The following PTPN2 variants were observed in gnomAD, a reference collection of about 807,000 sequenced individuals.
PTPN2 encodes protein tyrosine phosphatase non-receptor type 2.
A neutral mutation model predicts 57.3 loss-of-function variants in PTPN2; 19 were observed. That is an observed-to-expected ratio of 0.33 (90% CI 0.23 to 0.49). PTPN2 has a LOEUF of 0.49. PTPN2 is among the 20% of genes least tolerant of loss of function. The pLI is 0.99. For synonymous variants in PTPN2, 153 were observed against 164.9 expected, an observed-to-expected ratio of 0.93 and a Z score of 0.55; for missense variants, 358 against 501.1, an observed-to-expected ratio of 0.71 and a Z score of 2.73.
Position 12,794,235 on chromosome 18 carries a change from T to C in PTPN2, c.*43A>G, listed in dbSNP as rs758381162. Reference sequence around the variant, plus strand: ...CAAACCCCTATGATTAATGTAGCACTGTCAGTTACTAGTGCAGAAGCTTGC... The same window carrying C: ...CAAACCCCTATGATTAATGTAGCACCGTCAGTTACTAGTGCAGAAGCTTGC... On this transcript the variant is annotated 3_prime_UTR_variant, in exon 9 of 9. Coordinates refer to ENST00000309660, the MANE Select transcript of PTPN2 (RefSeq NM_002828.4). The C allele has an allele frequency of 2.1e-5, 34 of 1,612,160 alleles. No individual in the cohort carries two copies. The highest frequency in any genetic ancestry group is 1.5e-5 in the Non-Finnish European group (18 of 1,179,230).
chr18:12,804,676 C>T (rs759465609), intron 7 of PTPN2, among the ~76,000 whole-genome samples: 1 of 152,108 alleles, frequency 6.6e-6, no homozygotes, highest in Non-Finnish European at 1.5e-5. Flanking sequence ...ACTATCAAAA[C>T]GGAACCATGA....
chr18:12,845,857 T>C (rs2145427720), intron 2 of PTPN2, among the ~76,000 whole-genome samples: 1 of 152,344 alleles, frequency 6.6e-6, no homozygotes, highest in East Asian at 1.9e-4. Flanking sequence ...TACAATGACA[T>C]AATCCTACTT....
intron 5 of PTPN2, chr18:12,819,224 CT>C: frequency 1.4e-6 from 2 of 1,427,162 alleles, no homozygotes; most frequent in Non-Finnish European, 1.9e-6. Flanking sequence ...TTTTAGTGAC[CT>C]TTTAACATCC....
At chr18:12,861,667 A>G (rs2043812766) in intron 1 of PTPN2, among the ~76,000 whole-genome samples, 1 of 152,244 alleles carries the variant, frequency 6.6e-6, no homozygotes, top group Non-Finnish European at 1.5e-5. Context: ...GATTAAAACA[A>G]CAACAACAAC....
At chr18:12,805,639 CT>C (rs755422217) in intron 7 of PTPN2, among the ~76,000 whole-genome samples, 156 of 114,100 alleles carry the variant, frequency 1.4e-3, no homozygotes, top group African/African-American at 1.2e-3. Flanking sequence ...TGCCTCCTTT[CT>C]TTTTTTTTTT....
At chr18:12,837,199 T>C (rs1248592534) in intron 2 of PTPN2, among the ~76,000 whole-genome samples, 2 of 152,102 alleles carry the variant, frequency 1.3e-5, no homozygotes, top group African/African-American at 4.8e-5. Context: ...TTCCTAAAAG[T>C]AAAAGGATCA....
intron 7 of PTPN2, among the ~76,000 whole-genome samples, chr18:12,803,763 G>A (rs572941181): frequency 3.5e-4 from 53 of 152,224 alleles, no homozygotes; most frequent in African/African-American, 1.2e-3. Flanking sequence ...GACATAGACT[G>A]CAATACAATA....
chr18:12,801,250 C>T (rs1265683851), intron 8 of PTPN2, among the ~76,000 whole-genome samples: 10 of 152,298 alleles, frequency 6.6e-5, no homozygotes, highest in African/African-American at 2.4e-4. Context: ...CGGTGGCTCA[C>T]GCCTGTAATC....
chr18:12,795,540 C>T (rs559709503), intron 8 of PTPN2, among the ~76,000 whole-genome samples: 1 of 152,270 alleles, frequency 6.6e-6, no homozygotes, highest in African/African-American at 2.4e-5. Context: ...AGTGATCCGC[C>T]CACCTCAGCC....
chr18:12,823,112 C>G (rs955490536), intron 5 of PTPN2, among the ~76,000 whole-genome samples: 3 of 152,098 alleles, frequency 2.0e-5, no homozygotes, highest in African/African-American at 7.2e-5. Context: ...CTACTTTATC[C>G]TTCTAAAGAA....
At chr18:12,847,424 A>T (rs2043247808) in intron 2 of PTPN2, among the ~76,000 whole-genome samples, 1 of 152,074 alleles carries the variant, frequency 6.6e-6, no homozygotes, top group South Asian at 2.1e-4. Flanking sequence ...TTCCATGTAA[A>T]AGTTCAGGTA....
chr18:12,860,268 G>A (rs2043751455), intron 1 of PTPN2, among the ~76,000 whole-genome samples: 1 of 151,182 alleles, frequency 6.6e-6, no homozygotes, highest in Non-Finnish European at 1.5e-5. Flanking sequence ...CAGTCTGGGC[G>A]ACAGAGTGAG....
chr18:12,872,301 T>C (rs1480686919), intron 1 of PTPN2: 1 of 152,086 alleles, frequency 6.6e-6, no homozygotes, highest in South Asian at 2.1e-4. Context: ...TTTCAGACTA[T>C]AAAACCGTTC....
At chr18:12,825,353 AT>A (rs1342796141) in intron 5 of PTPN2, among the ~76,000 whole-genome samples, 12 of 152,060 alleles carry the variant, frequency 7.9e-5, no homozygotes, top group Non-Finnish European at 1.2e-4. Context: ...CTTGCTGGGC[AT>A]TTACTAAGGT....
intron 3 of PTPN2, among the ~76,000 whole-genome samples, chr18:12,835,294 G>A (rs1248902673): frequency 6.7e-6 from 1 of 150,136 alleles, no homozygotes; most frequent in African/African-American, 2.4e-5. Context: ...AATGGTATAT[G>A]TATGATTAAC....
intron 1 of PTPN2, among the ~76,000 whole-genome samples, chr18:12,870,460 T>TAGAGAGAGAGAG (rs1363329441): frequency 5.8e-4 from 14 of 24,100 alleles, no homozygotes; most frequent in South Asian, 3.8e-3. Context: ...TATATATATA[T>TAGAGAGAGAGAG]ATAGAGAGAG....
intron 8 of PTPN2, 107 bp downstream of exon 8, chr18:12,801,863 C>A: frequency 9.3e-7 from 1 of 1,077,502 alleles, no homozygotes; most frequent in Non-Finnish European, 1.3e-6. Flanking sequence ...TTGTATTTTC[C>A]TAATATAAAA....
chr18:12,865,983 T>C (rs940964630), intron 1 of PTPN2, among the ~76,000 whole-genome samples: 4 of 152,198 alleles, frequency 2.6e-5, no homozygotes, highest in African/African-American at 9.7e-5. Context: ...CATATGTTCA[T>C]GGTAGCACTT....
chr18:12,816,433 T>C (rs191342717), intron 6 of PTPN2, among the ~76,000 whole-genome samples: 2 of 152,304 alleles, frequency 1.3e-5, no homozygotes, highest in Admixed American at 6.5e-5. Context: ...GTAGATGGCA[T>C]GGAAATCAAA....
Sources: gnomAD v4.1 joint callset for allele counts (sites outside exome capture counted in the v4.1 genomes callset) on GRCh38, gnomAD v4.1.1 for gene constraint, MANE v1.5 for transcripts, NCBI Gene and HGNC (gene_info 2026-07-23, HGNC 2026-07-21) for gene names.